ZNF609: variants seen among roughly 807,000 people sequenced by gnomAD.
ZNF609 encodes the protein zinc finger protein 609.
A neutral mutation model predicts 109.5 loss-of-function variants in ZNF609; 11 were observed. The observed-to-expected ratio is 0.10, with a 90% CI of 0.06 to 0.17. The LOEUF is 0.17. Ranked by LOEUF, ZNF609 falls within the 10% of genes least tolerant of loss-of-function variation. ZNF609 has a pLI of 1.00. For synonymous variants in ZNF609, 646 were observed against 662.0 expected, an observed-to-expected ratio of 0.98 and a Z score of 0.37; for missense variants, 1,559 against 1,772.4, an observed-to-expected ratio of 0.88 and a Z score of 2.16.
intron 2 of ZNF609, among the ~76,000 whole-genome samples, chr15:64,603,032 G>A (rs1010716073): frequency 6.7e-6 from 1 of 150,238 alleles, no homozygotes; most frequent in African/African-American, 2.5e-5. Context: ...GGCGTGAGCT[G>A]CCGTGCCCGG....
At chr15:64,597,431 G>C (rs1370242690) in intron 2 of ZNF609, among the ~76,000 whole-genome samples, 1 of 152,130 alleles carries the variant, frequency 6.6e-6, no homozygotes, top group East Asian at 1.9e-4. Flanking sequence ...CTCAGCACAG[G>C]AAGATGGGTA....
In ZNF609 at chr15:64,682,894, T is replaced by A. The variant is rs2083218938; in HGVS notation, c.*1208T>A. ...GTTTCTTGGTAACACATATTTTGTT[T>A]GAGGGGCCACTGGCCATGGGAGGTT... On this transcript the variant is annotated 3_prime_UTR_variant, in exon 10 of 10. Coordinates refer to ENST00000326648, the MANE Select transcript of ZNF609 (RefSeq NM_015042.2). 2 of 152,670 alleles carry A rather than the reference T, an allele frequency of 1.3e-5. No individual in the cohort carries two copies. Among genetic ancestry groups the A allele is most frequent in the African/African-American group, 4.8e-5 (2 of 41,466 alleles). The allele number at this position is 152,670 out of a possible 1,614,324, so 9.5% of individuals were successfully genotyped here. A position where few individuals can be genotyped will look rare whatever the true frequency, so the allele number is the denominator to read the frequency against.
intron 3 of ZNF609, among the ~76,000 whole-genome samples, chr15:64,651,158 C>A (rs1896410442): frequency 6.6e-6 from 1 of 152,020 alleles, no homozygotes; most frequent in South Asian, 2.1e-4. Context: ...AAGCCTGGTC[C>A]TATTTACTTT....
intron 2 of ZNF609, among the ~76,000 whole-genome samples, chr15:64,584,549 C>T (rs1218060847): frequency 6.6e-6 from 1 of 152,086 alleles, no homozygotes; most frequent in Non-Finnish European, 1.5e-5. Flanking sequence ...AATCCACCCA[C>T]CCAGCCTCTC....
At chr15:64,482,990 A>G (rs1003774243) in intron 1 of ZNF609, among the ~76,000 whole-genome samples, 5 of 152,230 alleles carry the variant, frequency 3.3e-5, no homozygotes, top group African/African-American at 1.2e-4. Flanking sequence ...TCTGACTTCA[A>G]CTAATAAAAG....
rs146775105 is a variant in ZNF609 at position 64,624,697 on chromosome 15, T to C, written c.973+1645T>C. On this transcript the variant is annotated intron_variant, in intron 3 of 9. Coordinates refer to ENST00000326648, the MANE Select transcript of ZNF609 (RefSeq NM_015042.2). ...TTTATTTTTTGTAAATCGTTTGCACTGGAAGACTCTCTGTCAGGTTGTCAC... is the reference window on the plus strand; with the variant it reads ...TTTATTTTTTGTAAATCGTTTGCACCGGAAGACTCTCTGTCAGGTTGTCAC... Among the ~76,000 whole-genome samples, 12 of 151,992 alleles carry C rather than the reference T, an allele frequency of 7.9e-5. No homozygotes were observed. In the East Asian group the frequency reaches 2.3e-3, roughly 29 times the overall value.
At chr15:64,617,330 A>T (rs968828556) in intron 2 of ZNF609, among the ~76,000 whole-genome samples, 1 of 140,290 alleles carries the variant, frequency 7.1e-6, no homozygotes, top group African/African-American at 2.7e-5. Flanking sequence ...CCAAAAAATT[A>T]AAAAAAAAAA....
intron 3 of ZNF609, among the ~76,000 whole-genome samples, chr15:64,647,687 A>G (rs2140995164): frequency 6.6e-6 from 1 of 152,312 alleles, no homozygotes; most frequent in South Asian, 2.1e-4. Context: ...TAATGGACTT[A>G]GTCATTATAT....
At chr15:64,509,938 C>A (rs920293760) in intron 2 of ZNF609, among the ~76,000 whole-genome samples, 1 of 152,174 alleles carries the variant, frequency 6.6e-6, no homozygotes. Flanking sequence ...TGTAGTCCCC[C>A]CAACCTTATC....
At chr15:64,540,579 A>AT (rs1465279069) in intron 2 of ZNF609, among the ~76,000 whole-genome samples, 2 of 150,818 alleles carry the variant, frequency 1.3e-5, no homozygotes, top group East Asian at 4.0e-4. Context: ...TAATTTTTGT[A>AT]TTTTTTAGTA....
At chr15:64,656,547 A>G (rs1457722721) in intron 3 of ZNF609, among the ~76,000 whole-genome samples, 1 of 152,142 alleles carries the variant, frequency 6.6e-6, no homozygotes, top group East Asian at 1.9e-4. Flanking sequence ...TGCTTATCCC[A>G]AATCCATTTA....
intron 3 of ZNF609, among the ~76,000 whole-genome samples, chr15:64,656,394 T>A (rs905265543): frequency 6.6e-6 from 1 of 152,166 alleles, no homozygotes; most frequent in Non-Finnish European, 1.5e-5. Flanking sequence ...TTTAATATAT[T>A]AGCCCACCAA....
intron 2 of ZNF609, among the ~76,000 whole-genome samples, chr15:64,533,563 G>A (rs898280052): frequency 6.6e-6 from 1 of 152,170 alleles, no homozygotes; most frequent in Non-Finnish European, 1.5e-5. Flanking sequence ...TGCTTTCCAC[G>A]TTCCAAAATA....
intron 2 of ZNF609, among the ~76,000 whole-genome samples, chr15:64,563,497 C>T (rs72742923): frequency 0.048 from 7,348 of 151,808 alleles, 236 homozygotes; most frequent in South Asian, 0.087. Context: ...AAAAGATTGG[C>T]GGGGCGCAGT....
rs757160819 is a variant in ZNF609 at position 64,680,209 on chromosome 15, C to G, written c.3794C>G (p.Ser1265Cys). ...YPGSYLPSSYSFSPYGSKVSG... is the reference protein window; with the variant it reads ...YPGSYLPSSYCFSPYGSKVSG... ...GGTTCCTACCTGCCTTCCAGCTACT[C>G]TTTTTCCCCATATGGCAGCAAGGTC... The change falls in exon 7 of 10, where the codon TCT (serine) becomes TGT (cysteine). Residue 1265 changes from serine to cysteine, a missense_variant. Transcript: ENST00000326648. 3.7e-5 allele frequency: 60 copies of G among 1,614,064 alleles called. No individual in the cohort carries two copies. Among genetic ancestry groups the G allele is most frequent in the Non-Finnish European group, 4.7e-5 (56 of 1,180,034 alleles).
At chr15:64,498,246 C>T (rs1384624138) in intron 1 of ZNF609, among the ~76,000 whole-genome samples, 1 of 152,132 alleles carries the variant, frequency 6.6e-6, no homozygotes, top group African/African-American at 2.4e-5. Context: ...GACGGGGTTT[C>T]ACCACATTGG....
At position 64,676,133 on chromosome 15, in the gene ZNF609, C is replaced by G. The variant is rs140619016; in HGVS notation, c.3279C>G (p.Ala1093=). Residue 1093 remains alanine (A), a synonymous_variant, in exon 5 of 10, where the codon GCC becomes GCG. Transcript: ENST00000326648. The stretch of plus-strand genomic sequence containing the variant: ...ACTCTTCAAAACTCCCGGGCCAGGC[C>G]CCTGAAGGCCTTAAAGTGAAGCTGA... ...LDDSSKLPGQ[A]PEGLKVKLSD... is the part of the protein sequence containing the mutation. 6.2e-7 allele frequency: 1 copy of G among 1,614,072 alleles called. No homozygotes were observed. The highest frequency in any genetic ancestry group is 1.7e-5 in the Admixed American group (1 of 60,002).
intron 3 of ZNF609, among the ~76,000 whole-genome samples, chr15:64,655,111 A>G (rs1896471243): frequency 6.9e-6 from 1 of 145,452 alleles, no homozygotes; most frequent in Non-Finnish European, 1.5e-5. Flanking sequence ...AAAAAAAAGT[A>G]TAGCACCAAG....
chr15:64,479,964 G>T (rs1477171830), intron 1 of ZNF609, among the ~76,000 whole-genome samples: 1 of 139,802 alleles, frequency 7.2e-6, no homozygotes, highest in Non-Finnish European at 1.6e-5. Flanking sequence ...GCCAGGAGCA[G>T]TGGCTCACGC....
Sources: gnomAD v4.1 joint callset for allele counts (sites outside exome capture counted in the v4.1 genomes callset) on GRCh38, gnomAD v4.1.1 for gene constraint, MANE v1.5 for transcripts, NCBI Gene and HGNC (gene_info 2026-07-23, HGNC 2026-07-21) for gene names.